The following ABHD2 variants were observed in gnomAD, a reference collection of about 807,000 sequenced individuals.
The protein encoded by ABHD2 is monoacylglycerol lipase ABHD2.
A neutral mutation model predicts 48.1 loss-of-function variants in ABHD2; 20 were observed. The observed-to-expected ratio is 0.42, with a 90% CI of 0.29 to 0.60. ABHD2 has a LOEUF of 0.60. Among genes scored for constraint, ABHD2 ranks in the 20% least tolerant of loss-of-function variants. The pLI is 0.24. For missense variants in ABHD2, 405 were observed against 550.9 expected, an observed-to-expected ratio of 0.74 and a Z score of 2.65; for synonymous variants, 209 against 214.2, an observed-to-expected ratio of 0.98 and a Z score of 0.21.
chr15:89,136,191 A>G (rs2050309362), intron 3 of ABHD2: 1 of 237,804 alleles, frequency 4.2e-6, no homozygotes, highest in African/African-American at 2.3e-5. Context: ...AGCCTCCCAA[A>G]GTGCTGAGAT....
At chr15:89,133,484 G>C (rs1756884515) in intron 3 of ABHD2, among the ~76,000 whole-genome samples, 1 of 152,192 alleles carries the variant, frequency 6.6e-6, no homozygotes, top group Admixed American at 6.5e-5. Flanking sequence ...CACCAGCACT[G>C]TGAGCACATT....
chr15:89,051,728 T>G, the ABHD2 span, among the ~76,000 whole-genome samples: 4 of 152,206 alleles, frequency 2.6e-5, no homozygotes, highest in Admixed American at 2.6e-4. Context: ...CCTGCTGCCA[T>G]GTAAGACATC....
chr15:89,113,450 A>G (rs961956463), intron 1 of ABHD2, among the ~76,000 whole-genome samples: 1 of 152,112 alleles, frequency 6.6e-6, no homozygotes, highest in African/African-American at 2.4e-5. Flanking sequence ...ATAAAGGTTC[A>G]AAGCAGTGTG....
chr15:89,187,970 CA>C (rs757746265), intron 7 of ABHD2, among the ~76,000 whole-genome samples: 2 of 152,224 alleles, frequency 1.3e-5, no homozygotes, highest in Non-Finnish European at 2.9e-5. Context: ...CAACTAGGTT[CA>C]AACCCAATCT....
intron 5 of ABHD2, among the ~76,000 whole-genome samples, chr15:89,163,191 A>G (rs2050788568): frequency 6.6e-6 from 1 of 152,248 alleles, no homozygotes; most frequent in Non-Finnish European, 1.5e-5. Flanking sequence ...CACCTGCCTC[A>G]GATTTCTCTG....
chr15:89,118,588 T>A (rs992691268), intron 3 of ABHD2, among the ~76,000 whole-genome samples: 9 of 152,178 alleles, frequency 5.9e-5, no homozygotes, highest in African/African-American at 2.2e-4. Context: ...TGTCATCTCA[T>A]TCTTAGAGAG....
intron 1 of ABHD2, among the ~76,000 whole-genome samples, chr15:89,105,991 T>A (rs1294557591): frequency 6.6e-6 from 1 of 152,198 alleles, no homozygotes; most frequent in African/African-American, 2.4e-5. Flanking sequence ...TGTAAGCCAC[T>A]GTGCCCAGCC....
intron 1 of ABHD2, among the ~76,000 whole-genome samples, chr15:89,099,098 G>A (rs1281441943): frequency 6.6e-6 from 1 of 152,226 alleles, no homozygotes; most frequent in Non-Finnish European, 1.5e-5. Flanking sequence ...ACTCACAGCG[G>A]TTGTGAGCAC....
intron 3 of ABHD2, among the ~76,000 whole-genome samples, chr15:89,117,489 C>T (rs1035243256): frequency 6.6e-6 from 1 of 152,234 alleles, no homozygotes; most frequent in Non-Finnish European, 1.5e-5. Context: ...CTGTGTCTTC[C>T]TCCAGGGCTC....
chr15:89,122,987 C>T (rs2050075565), intron 3 of ABHD2, among the ~76,000 whole-genome samples: 1 of 152,202 alleles, frequency 6.6e-6, no homozygotes, highest in Non-Finnish European at 1.5e-5. Flanking sequence ...AAAACCACAG[C>T]CACATGTATG....
In ABHD2 at chr15:89,195,861, A is replaced by G. The variant is rs143721254; in HGVS notation, c.*438A>G. On this transcript the variant is annotated 3_prime_UTR_variant, in exon 11 of 11. Transcript: ENST00000352732. This position sits in a 1 kb window ranked among gnomAD's most constrained non-coding sequence, Gnocchi z 5.1. ...GACCTTAAAAAGAGCTCACCCTTCC[A>G]GGCCAATGCTGAAGACACAGCTCCG... The G allele has an allele frequency of 2.8e-3, 429 of 154,044 alleles. 3 individuals carry two copies. The highest frequency in any genetic ancestry group is 9.3e-3 in the African/African-American group (385 of 41,588). The allele number at this position is 154,044 out of a possible 1,614,324, so 9.5% of individuals were successfully genotyped here. A position where few individuals can be genotyped will look rare whatever the true frequency, so the allele number is the denominator to read the frequency against.
chr15:89,147,644 C>T (rs757226466), intron 3 of ABHD2, among the ~76,000 whole-genome samples: 2 of 151,338 alleles, frequency 1.3e-5, no homozygotes, highest in South Asian at 2.1e-4. Context: ...TGAGCCACTG[C>T]GCCCGGCTGC....
intron 3 of ABHD2, among the ~76,000 whole-genome samples, chr15:89,124,818 G>A (rs2150831647): frequency 6.6e-6 from 1 of 152,292 alleles, no homozygotes; most frequent in South Asian, 2.1e-4. Context: ...GCTGGGCGCG[G>A]TGGCTAACAC....
intron 1 of ABHD2, chr15:89,090,260 C>T (rs543902872): frequency 6.6e-6 from 1 of 152,306 alleles, no homozygotes; most frequent in South Asian, 2.1e-4. Flanking sequence ...CTCTGTGCCT[C>T]TGTTTCCTCA....
the ABHD2 span, among the ~76,000 whole-genome samples, chr15:89,053,996 C>T: frequency 1.3e-5 from 2 of 152,106 alleles, no homozygotes; most frequent in Non-Finnish European, 2.9e-5. Context: ...CACATTGCTG[C>T]AGAGGCAGTA....
chr15:89,084,758 C>T (rs1049023948), upstream of ABHD2, among the ~76,000 whole-genome samples: 2 of 152,180 alleles, frequency 1.3e-5, no homozygotes, highest in African/African-American at 4.8e-5. The surrounding 1 kb of genome is among the most constrained non-coding windows in gnomAD (Gnocchi z 4.4). Context: ...ATTTATTAAA[C>T]ATTTTTAGGT....
At chr15:89,043,144 G>A in the ABHD2 span, among the ~76,000 whole-genome samples, 1 of 152,198 alleles carries the variant, frequency 6.6e-6, no homozygotes, top group African/African-American at 2.4e-5. Flanking sequence ...CTAGGAAAAG[G>A]TAACCAACAG....
In ABHD2 at chr15:89,174,419, A is replaced by G. The variant is rs900790615; in HGVS notation, c.539-1393A>G. 6.6e-6 allele frequency among the ~76,000 whole-genome samples: 1 copy of G among 152,212 alleles called. No homozygotes were observed. Among genetic ancestry groups the G allele is most frequent in the Non-Finnish European group, 1.5e-5 (1 of 68,028 alleles). On this transcript the variant is annotated intron_variant, in intron 5 of 10. Coordinates refer to ENST00000352732, the MANE Select transcript of ABHD2 (RefSeq NM_152924.5). This position sits in a 1 kb window ranked among gnomAD's most constrained non-coding sequence, Gnocchi z 4.1. Reference sequence around the variant, plus strand: ...GCTTCTCTGGAGTTGAGGCCCAGGAATGGTCATTTCTAACACCCTCTCCAG... The same window carrying G: ...GCTTCTCTGGAGTTGAGGCCCAGGAGTGGTCATTTCTAACACCCTCTCCAG...
At chr15:89,053,928 A>C in the ABHD2 span, among the ~76,000 whole-genome samples, 134,239 of 152,208 alleles carry the variant, frequency 0.88, 59,252 homozygotes, top group South Asian at 0.96. Flanking sequence ...ATGACCACTC[A>C]CTTGCCAAGT....
Sources: gnomAD v4.1 joint callset for allele counts (sites outside exome capture counted in the v4.1 genomes callset) on GRCh38, gnomAD v4.1.1 for gene constraint, Gnocchi (gnomAD v3.1) non-coding constraint, MANE v1.5 for transcripts, NCBI Gene and HGNC (gene_info 2026-07-23, HGNC 2026-07-21) for gene names.